Variants in ZNF638 observed in about 807,000 individuals in gnomAD.
ZNF638 encodes zinc finger protein 638, also known as CTCL tumor antigen se33-1.
A neutral mutation model predicts 195.6 loss-of-function variants in ZNF638; 46 were observed. The ratio of observed to expected loss-of-function variants is 0.24; its 90% CI spans 0.19 to 0.30. The LOEUF is 0.30. Ranked by LOEUF, ZNF638 falls within the 10% of genes least tolerant of loss-of-function variation. The probability of loss-of-function intolerance (pLI) is 1.00; values close to 1 mark genes in which losing one functional copy is unlikely to be tolerated. For missense variants in ZNF638, 2,440 were observed against 2,325.3 expected (o/e 1.05, Z -1.01); for synonymous variants, 845 against 772.0 (o/e 1.09, Z -1.57).
At chr2:71,400,779 C>T (rs1289555980) in intron 15 of ZNF638, among the ~76,000 whole-genome samples, 1 of 151,988 alleles carries the variant, frequency 6.6e-6, no homozygotes, top group Non-Finnish European at 1.5e-5. Flanking sequence ...GATTACTTTT[C>T]ATTTGCCAAA....
chr2:71,399,165 TC>T (rs1448089855), intron 12 of ZNF638, among the ~76,000 whole-genome samples: 1 of 152,192 alleles, frequency 6.6e-6, no homozygotes, highest in Non-Finnish European at 1.5e-5. Flanking sequence ...TCATTTTTTT[TC>T]ATAAAGAAAT....
intron 6 of ZNF638, among the ~76,000 whole-genome samples, chr2:71,367,482 G>A (rs2079222150): frequency 7.0e-6 from 1 of 143,552 alleles, no homozygotes; most frequent in South Asian, 2.2e-4. Flanking sequence ...CACCCAGGCT[G>A]GAGTGCAGTG....
intron 1 of ZNF638, among the ~76,000 whole-genome samples, chr2:71,332,184 G>A (rs2078582742): frequency 1.3e-5 from 2 of 152,242 alleles, no homozygotes; most frequent in South Asian, 2.1e-4. Context: ...CTGGGCCGAG[G>A]ATCGTGAAGA....
rs369219492 is a variant in ZNF638 at position 71,400,064 on chromosome 2, A to G, written c.2588-48A>G. 2.8e-6 allele frequency: 4 copies of G among 1,443,586 alleles called. No individual in the cohort carries two copies. In the African/African-American group the frequency reaches 5.7e-5, roughly 21 times the overall value. 89.4% of individuals were successfully genotyped at this position (1,443,586 alleles called of 1,614,324 possible). A position where few individuals can be genotyped will look rare whatever the true frequency, so the allele number is the denominator to read the frequency against. ...GTTCCTGTTTAGATTCATTAGTTTA[A>G]TTATATTAGTGTTTTACTAGACTAT... On this transcript the variant is annotated intron_variant, in intron 13 of 27. Coordinates refer to ENST00000264447, the MANE Select transcript of ZNF638 (RefSeq NM_014497.5).
At position 71,411,476 on chromosome 2, in the gene ZNF638, T is replaced by G. The variant is rs1186642326; in HGVS notation, c.3261+3229T>G. 4.4e-3 allele frequency among the ~76,000 whole-genome samples: 475 copies of G among 106,964 alleles called. 3 individuals carry two copies. The highest frequency in any genetic ancestry group is 0.018 in the African/African-American group (441 of 24,452). 70.2% of individuals were successfully genotyped at this position (106,964 alleles called of 152,430 possible). On this transcript the variant is annotated intron_variant, in intron 20 of 27. Coordinates refer to ENST00000264447, the MANE Select transcript of ZNF638 (RefSeq NM_014497.5). Reference sequence around the variant, plus strand: ...TTATTTTTTATTTTTTATTTTTAATTTTTTTTTTTTTATTATACTCTAAGT... The same window carrying G: ...TTATTTTTTATTTTTTATTTTTAATGTTTTTTTTTTTATTATACTCTAAGT...
chr2:71,411,105 C>G (rs1401417356), intron 20 of ZNF638, among the ~76,000 whole-genome samples: 1 of 148,592 alleles, frequency 6.7e-6, no homozygotes, highest in African/African-American at 2.5e-5. Context: ...TCAAGCAATT[C>G]TCCTGCCTCA....
In ZNF638 at chr2:71,378,760, T is replaced by C. The variant is rs144334483; in HGVS notation, c.2266-1462T>C. Among the ~76,000 whole-genome samples, 64 of 152,266 alleles carry C rather than the reference T, an allele frequency of 4.2e-4. 1 individual carries two copies. The East Asian group carries it at 9.3e-3, about 22-fold the overall frequency. Reference sequence around the variant, plus strand: ...GGAAGATCTCATTGAAAAGGTGATATATGAGCAAACATTTGAAGAAGATGA... The same window carrying C: ...GGAAGATCTCATTGAAAAGGTGATACATGAGCAAACATTTGAAGAAGATGA... On this transcript the variant is annotated intron_variant, in intron 8 of 27. Coordinates refer to ENST00000264447, the MANE Select transcript of ZNF638 (RefSeq NM_014497.5).
In ZNF638 at chr2:71,367,539, TCTCCTGC is replaced by T. The variant is rs2079223667; in HGVS notation, c.1996-833_1996-827del. ...CCTCCGCCTCCCAGGTTCAAGTGAT[TCTCCTGC>T]CTCCTGCCTTAGCCTCCTGAGCAGC... On this transcript the variant is annotated intron_variant, in intron 6 of 27. Transcript: ENST00000264447. Among the ~76,000 whole-genome samples the T allele has an allele frequency of 2.6e-5, 4 of 151,744 alleles. No homozygotes were observed. In the South Asian group the frequency reaches 6.3e-4, roughly 24 times the overall value.
Position 71,400,197 on chromosome 2 carries a change from T to G in ZNF638, c.2656+17T>G, listed in dbSNP as rs2104427614. On this transcript the variant is annotated intron_variant, in intron 14 of 27. Coordinates refer to ENST00000264447, the MANE Select transcript of ZNF638 (RefSeq NM_014497.5). The stretch of plus-strand genomic sequence containing the variant: ...CTATTTCTGGTAGGTCAATAGAAAT[T>G]TTATTTTGTTCTTTACTTATTTTAA... 6.3e-7 allele frequency: 1 copy of G among 1,590,852 alleles called. No homozygotes were observed. Among genetic ancestry groups the G allele is most frequent in the Admixed American group, 1.8e-5 (1 of 57,016 alleles).
At chr2:71,381,107 C>T (rs1159044178) in intron 10 of ZNF638, among the ~76,000 whole-genome samples, 2 of 152,020 alleles carry the variant, frequency 1.3e-5, no homozygotes, top group Non-Finnish European at 2.9e-5. Context: ...TCCGGGTTCT[C>T]CTTTTTCTTA....
intron 6 of ZNF638, among the ~76,000 whole-genome samples, chr2:71,367,166 G>T (rs984528876): frequency 2.0e-5 from 3 of 151,898 alleles, no homozygotes; most frequent in Admixed American, 6.5e-5. Context: ...TTTTGAAGAG[G>T]CTGAGTTAGT....
At chr2:71,403,474 C>G (rs1203978324) in intron 16 of ZNF638, among the ~76,000 whole-genome samples, 1 of 152,062 alleles carries the variant, frequency 6.6e-6, no homozygotes, top group Non-Finnish European at 1.5e-5. Context: ...TTTTTCATGT[C>G]TCATATTTCT....
chr2:71,380,352 C>T, intron 9 of ZNF638, 72 bp downstream of exon 9: 1 of 1,219,898 alleles, frequency 8.2e-7, no homozygotes, highest in South Asian at 1.5e-5. Context: ...ATTTTTAAAA[C>T]CGCATTTTAA....
At chr2:71,428,812 T>C (rs2080594253) in intron 25 of ZNF638, 161 bp downstream of exon 25, 4 of 547,864 alleles carry the variant, frequency 7.3e-6, no homozygotes, top group South Asian at 2.7e-5. Flanking sequence ...TTTTGATCTT[T>C]GTAATGTAGA....
At chr2:71,339,265 G>A (rs1346069651) in intron 1 of ZNF638, among the ~76,000 whole-genome samples, 2 of 151,318 alleles carry the variant, frequency 1.3e-5, no homozygotes, top group Non-Finnish European at 2.9e-5. Flanking sequence ...AGATTCTCCT[G>A]CCTCAGCCTC....
intron 1 of ZNF638, among the ~76,000 whole-genome samples, chr2:71,346,741 T>C (rs1178927773): frequency 6.6e-6 from 1 of 152,084 alleles, no homozygotes; most frequent in Non-Finnish European, 1.5e-5. Context: ...TAAAGGTTAT[T>C]GAATGCCGGG....
At chr2:71,386,063 T>C (rs2079631566) in intron 10 of ZNF638, among the ~76,000 whole-genome samples, 1 of 152,146 alleles carries the variant, frequency 6.6e-6, no homozygotes, top group Non-Finnish European at 1.5e-5. Flanking sequence ...CTGAAAGGGA[T>C]ATTAACTTCA....
chr2:71,395,111 A>G, intron 10 of ZNF638: 1 of 628,840 alleles, frequency 1.6e-6, no homozygotes, highest in East Asian at 2.7e-5. Flanking sequence ...TAAACGCCAT[A>G]GATCTACATG....
chr2:71,332,571 C>T (rs1403527472), intron 1 of ZNF638, among the ~76,000 whole-genome samples: 4 of 152,152 alleles, frequency 2.6e-5, no homozygotes, highest in African/African-American at 9.7e-5. Context: ...ACAGTATTTC[C>T]AAATTTCTCA....
Sources: gnomAD v4.1 joint callset for allele counts (sites outside exome capture counted in the v4.1 genomes callset) on GRCh38, gnomAD v4.1.1 for gene constraint, MANE v1.5 for transcripts, NCBI Gene and HGNC (gene_info 2026-07-23, HGNC 2026-07-21) for gene names.